DDX10: variants seen among roughly 807,000 people sequenced by gnomAD.
DDX10 encodes DEAD-box helicase 10.
Under a neutral mutation model 104.3 loss-of-function variants are expected in DDX10, and 74 were observed. The observed-to-expected ratio is 0.71, with a 90% CI of 0.59 to 0.86. The LOEUF is 0.86. DDX10 is among the 40% of genes least tolerant of loss of function. The pLI is 0.00. For missense variants in DDX10, 952 were observed against 1,040.0 expected, an observed-to-expected ratio of 0.92 and a Z score of 1.16; for synonymous variants, 351 against 353.4, an observed-to-expected ratio of 0.99 and a Z score of 0.08.
chr11:108,883,793 ACCTCTCAG>A (rs1191490445), intron 16 of DDX10, among the ~76,000 whole-genome samples: 3 of 152,048 alleles, frequency 2.0e-5, no homozygotes. Flanking sequence ...ATTTTACTGG[ACCTCTCAG>A]CCTTTGACAC....
intron 8 of DDX10, among the ~76,000 whole-genome samples, chr11:108,692,523 G>A (rs2094254260): frequency 6.6e-6 from 1 of 152,254 alleles, no homozygotes; most frequent in African/African-American, 2.4e-5. Context: ...GGGGATGGAC[G>A]TAACTAGAGA....
intron 8 of DDX10, among the ~76,000 whole-genome samples, chr11:108,692,886 A>G (rs2094254802): frequency 6.6e-6 from 1 of 152,038 alleles, no homozygotes; most frequent in Non-Finnish European, 1.5e-5. Context: ...ATGCCTGACT[A>G]GTTTTTATTT....
chr11:108,680,944 T>C (rs1000608962), intron 6 of DDX10, among the ~76,000 whole-genome samples: 3 of 152,204 alleles, frequency 2.0e-5, no homozygotes, highest in Admixed American at 2.0e-4. Flanking sequence ...ATGTGAGGTA[T>C]AGTTTTTTTC....
intron 16 of DDX10, among the ~76,000 whole-genome samples, chr11:108,901,932 G>T (rs1023096918): frequency 6.6e-6 from 1 of 152,182 alleles, no homozygotes; most frequent in Non-Finnish European, 1.5e-5. Context: ...GGGCATTTAT[G>T]AAATAATGAT....
intron 13 of DDX10, among the ~76,000 whole-genome samples, chr11:108,787,296 G>A (rs898571938): frequency 1.8e-4 from 28 of 151,970 alleles, no homozygotes; most frequent in African/African-American, 5.6e-4. Context: ...TGCATTGACC[G>A]TGGAGAATCT....
intron 13 of DDX10, among the ~76,000 whole-genome samples, chr11:108,815,334 A>C (rs1862240961): frequency 1.3e-5 from 2 of 152,064 alleles, no homozygotes; most frequent in South Asian, 4.2e-4. Context: ...AAAGCTGTCA[A>C]GTGAGTAAAT....
At chr11:108,838,767 T>C (rs1240509123) in intron 14 of DDX10, among the ~76,000 whole-genome samples, 1 of 152,244 alleles carries the variant, frequency 6.6e-6, no homozygotes, top group Non-Finnish European at 1.5e-5. Context: ...GCCGAGATAC[T>C]TCTTGGTAAT....
chr11:108,779,043 G>A (rs543074713), intron 13 of DDX10, among the ~76,000 whole-genome samples: 1 of 152,322 alleles, frequency 6.6e-6, no homozygotes, highest in East Asian at 1.9e-4. Context: ...AACAACAGGT[G>A]CTGGAGAGAA....
chr11:108,939,068 G>A (rs1399542934), intron 17 of DDX10, among the ~76,000 whole-genome samples: 2 of 152,322 alleles, frequency 1.3e-5, no homozygotes, highest in Non-Finnish European at 2.9e-5. Flanking sequence ...GAGCACTACT[G>A]TGTGTTCTCA....
intron 13 of DDX10, among the ~76,000 whole-genome samples, chr11:108,806,997 T>G (rs1265912297): frequency 6.6e-6 from 1 of 152,226 alleles, no homozygotes; most frequent in African/African-American, 2.4e-5. Flanking sequence ...GTTAAAGATG[T>G]GATCTTGGTC....
intron 16 of DDX10, among the ~76,000 whole-genome samples, chr11:108,908,656 G>A (rs1228254588): frequency 6.6e-6 from 1 of 152,172 alleles, no homozygotes; most frequent in Non-Finnish European, 1.5e-5. Context: ...TTAAAAATCA[G>A]GCAGTGGGTC....
intron 13 of DDX10, among the ~76,000 whole-genome samples, chr11:108,750,901 A>ACAT (rs2094337709): frequency 7.2e-6 from 1 of 138,342 alleles, no homozygotes; most frequent in Non-Finnish European, 1.5e-5. Context: ...AGAACTAAAT[A>ACAT]CATGTGCATC....
chr11:108,684,282 G>A (rs1306272738), intron 6 of DDX10, among the ~76,000 whole-genome samples: 3 of 148,660 alleles, frequency 2.0e-5, no homozygotes, highest in East Asian at 4.0e-4. Flanking sequence ...ATGCTGGTGC[G>A]CTGCACCCAC....
At position 108,724,582 on chromosome 11, in the gene DDX10, T is replaced by C. The variant is rs148565579; in HGVS notation, c.1965+1120T>C. Among the ~76,000 whole-genome samples the C allele has an allele frequency of 5.4e-3, 817 of 152,230 alleles. 4 individuals carry two copies. Among genetic ancestry groups the C allele is most frequent in the Non-Finnish European group, 8.0e-3 (544 of 67,930 alleles). On this transcript the variant is annotated intron_variant, in intron 13 of 17. Coordinates refer to ENST00000322536, the MANE Select transcript of DDX10 (RefSeq NM_004398.4). ...GCTTCAAATTAGATCATTTTAAGTC[T>C]GTAGTTAAGACTCATTTTATCAGCA...
chr11:108,875,761 G>C, intron 16 of DDX10, among the ~76,000 whole-genome samples: 1 of 152,256 alleles, frequency 6.6e-6, no homozygotes, highest in East Asian at 1.9e-4. Flanking sequence ...CGGTCCTGTT[G>C]ATTAGCTTCT....
At chr11:108,680,822 G>A (rs1279493175) in intron 6 of DDX10, among the ~76,000 whole-genome samples, 1 of 152,200 alleles carries the variant, frequency 6.6e-6, no homozygotes, top group African/African-American at 2.4e-5. Flanking sequence ...GTATGTCTAG[G>A]ATTTAAAAAG....
chr11:108,793,730 T>A (rs1861901884), intron 13 of DDX10, among the ~76,000 whole-genome samples: 1 of 152,186 alleles, frequency 6.6e-6, no homozygotes, highest in Non-Finnish European at 1.5e-5. Flanking sequence ...CATTAGAACT[T>A]ACTTCTTCTA....
At chr11:108,722,874 C>A (rs1008856672) in intron 12 of DDX10, 123 bp from the exon 13 acceptor site, 3 of 1,409,484 alleles carry the variant, frequency 2.1e-6, no homozygotes, top group South Asian at 3.1e-5. Flanking sequence ...TGAGTTGTAT[C>A]TCACAGGAAC....
intron 1 of DDX10, among the ~76,000 whole-genome samples, chr11:108,670,175 G>A (rs1038343271): frequency 2.0e-5 from 3 of 152,194 alleles, no homozygotes; most frequent in African/African-American, 7.2e-5. Context: ...AGGTTGGAGG[G>A]TAAGAGATCA....
Sources: gnomAD v4.1 joint callset for allele counts (sites outside exome capture counted in the v4.1 genomes callset) on GRCh38, gnomAD v4.1.1 for gene constraint, MANE v1.5 for transcripts, NCBI Gene and HGNC (gene_info 2026-07-23, HGNC 2026-07-21) for gene names.